Variants in CADPS2 observed in about 807,000 individuals in gnomAD.
The protein encoded by CADPS2 is calcium dependent secretion activator 2.
CADPS2 carries 93 observed loss-of-function variants against 172.5 expected under a neutral mutation model. The ratio of observed to expected loss-of-function variants is 0.54; its 90% CI spans 0.46 to 0.64. CADPS2 has a LOEUF of 0.64. CADPS2 is among the 30% of genes least tolerant of loss of function. CADPS2 has a pLI of 0.00. For missense variants in CADPS2, 1,420 were observed against 1,565.9 expected (o/e 0.91, Z 1.57); for synonymous variants, 546 against 555.2 (o/e 0.98, Z 0.23).
chr7:122,698,205 T>C (rs150502188), intron 2 of CADPS2: 5 of 1,613,968 alleles, frequency 3.1e-6, no homozygotes, highest in Admixed American at 1.7e-5. Flanking sequence ...CTACTCGAAG[T>C]TGGAGTTGTC....
At chr7:122,366,099 TG>T (rs2040806729) in intron 25 of CADPS2, among the ~76,000 whole-genome samples, 1 of 151,000 alleles carries the variant, frequency 6.6e-6, no homozygotes, top group African/African-American at 2.4e-5. Flanking sequence ...ATAGCTGTTT[TG>T]TTTTTTTTTT....
intron 2 of CADPS2, among the ~76,000 whole-genome samples, chr7:122,709,603 C>A (rs567147685): frequency 6.6e-6 from 1 of 151,846 alleles, no homozygotes; most frequent in African/African-American, 2.4e-5. Context: ...AAGACACATG[C>A]ACACGTATGT....
At chr7:122,654,159 T>C (rs957325058) in intron 3 of CADPS2, among the ~76,000 whole-genome samples, 17 of 152,152 alleles carry the variant, frequency 1.1e-4, no homozygotes, top group African/African-American at 4.1e-4. Context: ...TAGGAGAAGT[T>C]GGTTCATGAG....
chr7:122,553,560 C>T (rs56326140), intron 8 of CADPS2, among the ~76,000 whole-genome samples: 1 of 151,996 alleles, frequency 6.6e-6, no homozygotes, highest in Non-Finnish European at 1.5e-5. Flanking sequence ...CAGTCCTTAG[C>T]ACCATCCCAA....
At chr7:122,418,902 A>C (rs1381243413) in intron 17 of CADPS2, among the ~76,000 whole-genome samples, 1 of 152,228 alleles carries the variant, frequency 6.6e-6, no homozygotes, top group African/African-American at 2.4e-5. Flanking sequence ...GCATTGTAAA[A>C]TCTACAAACA....
intron 13 of CADPS2, among the ~76,000 whole-genome samples, chr7:122,472,919 G>T (rs912255447): frequency 6.6e-6 from 1 of 151,964 alleles, no homozygotes; most frequent in Non-Finnish European, 1.5e-5. Flanking sequence ...ATGGGGGGGC[G>T]CATTTTGTCT....
At chr7:122,404,291 G>C (rs2046348277) in intron 20 of CADPS2, among the ~76,000 whole-genome samples, 1 of 152,060 alleles carries the variant, frequency 6.6e-6, no homozygotes, top group African/African-American at 2.4e-5. Flanking sequence ...ATGGTTTCCA[G>C]CTTCATCCAT....
rs76495023 is a variant in CADPS2 at position 122,678,073 on chromosome 7, T to G, written c.454-14504A>C. Among the ~76,000 whole-genome samples the G allele has an allele frequency of 1.2e-3, 190 of 152,324 alleles. 2 individuals are homozygous for G. The East Asian group carries it at 0.029, about 23-fold the overall frequency. ...TGTAGTGTCTAGTATCATTAGACACTCAAATTTTAAAGGAAATCATTAGGT... is the reference window on the plus strand; with the variant it reads ...TGTAGTGTCTAGTATCATTAGACACGCAAATTTTAAAGGAAATCATTAGGT... On this transcript the variant is annotated intron_variant, in intron 2 of 29. Transcript: ENST00000449022.
chr7:122,879,135 G>A (rs1056708703), intron 1 of CADPS2, among the ~76,000 whole-genome samples: 9 of 151,758 alleles, frequency 5.9e-5, no homozygotes, highest in Middle Eastern at 3.4e-3. Context: ...TACTCGAGAG[G>A]CCGAGGCACA....
chr7:122,777,032 T>G (rs37902), intron 1 of CADPS2, among the ~76,000 whole-genome samples: 28,010 of 151,998 alleles, frequency 0.18, 3,096 homozygotes, highest in African/African-American at 0.31. Flanking sequence ...GTGCCTGTAG[T>G]CCCAGCTACT....
At chr7:122,845,752 T>C (rs542410642) in intron 1 of CADPS2, among the ~76,000 whole-genome samples, 1 of 152,320 alleles carries the variant, frequency 6.6e-6, no homozygotes, top group South Asian at 2.1e-4. Context: ...GCACAGGACA[T>C]GAATTATTGA....
At chr7:122,389,498 C>A (rs193098247) in intron 22 of CADPS2, among the ~76,000 whole-genome samples, 15 of 151,632 alleles carry the variant, frequency 9.9e-5, no homozygotes, top group African/African-American at 3.4e-4. Context: ...ATGAAGATAA[C>A]TTATAGAAGA....
intron 8 of CADPS2, among the ~76,000 whole-genome samples, chr7:122,539,621 G>C (rs1359477066): frequency 6.6e-6 from 1 of 152,062 alleles, no homozygotes; most frequent in Non-Finnish European, 1.5e-5. Flanking sequence ...GGCAATCAAG[G>C]TAAATCCATC....
intron 12 of CADPS2, among the ~76,000 whole-genome samples, chr7:122,476,167 C>CA (rs1182808262): frequency 6.6e-6 from 1 of 151,646 alleles, no homozygotes; most frequent in Non-Finnish European, 1.5e-5. Context: ...TTTATCTCAG[C>CA]AAAAAAATCT....
chr7:122,629,716 T>G (rs2076400618), intron 3 of CADPS2, among the ~76,000 whole-genome samples: 1 of 152,164 alleles, frequency 6.6e-6, no homozygotes, highest in Admixed American at 6.6e-5. Flanking sequence ...AAAACTCCCT[T>G]TGCTTTAATA....
chr7:122,731,659 A>G (rs571353694), intron 2 of CADPS2, among the ~76,000 whole-genome samples: 1 of 146,780 alleles, frequency 6.8e-6, no homozygotes, highest in African/African-American at 2.5e-5. Flanking sequence ...AAAGAAAAAA[A>G]AAAGGTGAAG....
intron 8 of CADPS2, among the ~76,000 whole-genome samples, chr7:122,522,147 C>A (rs897865567): frequency 6.6e-6 from 1 of 152,068 alleles, no homozygotes; most frequent in Non-Finnish European, 1.5e-5. Flanking sequence ...CAGAGTCTCA[C>A]TCTGTTGCCC....
intron 1 of CADPS2, among the ~76,000 whole-genome samples, chr7:122,742,189 G>A (rs13233633): frequency 0.23 from 34,668 of 151,756 alleles, 4,121 homozygotes; most frequent in Middle Eastern, 0.31. Context: ...TCAGGAGTTC[G>A]AGACCAGCGT....
At chr7:122,537,292 A>C (rs531357644) in intron 8 of CADPS2, among the ~76,000 whole-genome samples, 36 of 151,776 alleles carry the variant, frequency 2.4e-4, no homozygotes, top group Admixed American at 3.9e-4. Context: ...GCAAAAAAAA[A>C]ACAAACAAAC....
Sources: gnomAD v4.1 joint callset for allele counts (sites outside exome capture counted in the v4.1 genomes callset) on GRCh38, gnomAD v4.1.1 for gene constraint, MANE v1.5 for transcripts, NCBI Gene and HGNC (gene_info 2026-07-23, HGNC 2026-07-21) for gene names.